F2RL1: variants seen among roughly 807,000 people sequenced by gnomAD.
The protein encoded by F2RL1 is proteinase-activated receptor 2.
A neutral mutation model predicts 21.7 loss-of-function variants in F2RL1; 16 were observed. That is an observed-to-expected ratio of 0.74 (90% CI 0.50 to 1.12). The LOEUF (loss-of-function observed/expected upper bound fraction) is 1.12, where lower values mean the gene tolerates loss of function less well. Among genes scored for constraint, F2RL1 ranks in the 50% most tolerant of loss-of-function variants. F2RL1 has a pLI of 0.00. For missense variants in F2RL1, 432 were observed against 477.8 expected, an observed-to-expected ratio of 0.90 and a Z score of 0.89; for synonymous variants, 181 against 186.7, an observed-to-expected ratio of 0.97 and a Z score of 0.25.
At chr5:76,826,588 C>A (rs1478373087) in intron 1 of F2RL1, among the ~76,000 whole-genome samples, 2 of 149,132 alleles carry the variant, frequency 1.3e-5, no homozygotes, top group East Asian at 4.0e-4. Context: ...ATCTCTGCAA[C>A]CTTTGCCTCT....
rs745816786 is a variant in F2RL1 at position 76,833,180 on chromosome 5, C to T, written c.573C>T (p.Ala191=). Residue 191 remains alanine, a synonymous_variant, in exon 2 of 2, where the codon GCC becomes GCT. Coordinates refer to ENST00000296677, the MANE Select transcript of F2RL1 (RefSeq NM_005242.6). ...ACTCCAGGAAGAAGGCAAACATTGC[C>T]ATTGGCATCTCCCTGGCAATATGGC... The part of the protein sequence containing the change: ...MGHSRKKANI[A]IGISLAIWLL... 6 of 1,614,104 alleles carry T rather than the reference C, an allele frequency of 3.7e-6. No individual in the cohort carries two copies. In the Admixed American group the frequency reaches 5.0e-5, roughly 13 times the overall value.
At chr5:76,831,316 G>C (rs1750344607) in intron 1 of F2RL1, among the ~76,000 whole-genome samples, 1 of 151,978 alleles carries the variant, frequency 6.6e-6, no homozygotes, top group African/African-American at 2.4e-5. Flanking sequence ...TATCGTTGTG[G>C]GTGAAAAGGG....
In F2RL1 at chr5:76,834,957, C is replaced by T. The variant is rs376364152; in HGVS notation, c.*1156C>T. The T allele has an allele frequency of 6.6e-6, 1 of 152,390 alleles. No individual in the cohort carries two copies. The highest frequency in any genetic ancestry group is 1.9e-4 in the East Asian group (1 of 5,322). The allele number at this position is 152,390 out of a possible 1,614,324, so 9.4% of individuals were successfully genotyped here. A position where few individuals can be genotyped will look rare whatever the true frequency, so the allele number is the denominator to read the frequency against. ...TATGTATTATTATTAAAGAAAAATGCAATCAGGATTTTAAACATGTAAATA... is the reference window on the plus strand; with the variant it reads ...TATGTATTATTATTAAAGAAAAATGTAATCAGGATTTTAAACATGTAAATA... On this transcript the variant is annotated 3_prime_UTR_variant, in exon 2 of 2. Transcript: ENST00000296677.
intron 1 of F2RL1, among the ~76,000 whole-genome samples, chr5:76,830,337 G>A (rs2243052): frequency 0.033 from 5,013 of 152,268 alleles, 288 homozygotes; most frequent in African/African-American, 0.11. Flanking sequence ...GAGTGCAGTG[G>A]CGCAATCTTG....
At chr5:76,823,922 C>T (rs916447113) in intron 1 of F2RL1, among the ~76,000 whole-genome samples, 1 of 150,144 alleles carries the variant, frequency 6.7e-6, no homozygotes, top group African/African-American at 2.5e-5. Context: ...ATGCCATTCT[C>T]CTGCCACAGC....
At chr5:76,823,087 G>A (rs966603084) in intron 1 of F2RL1, among the ~76,000 whole-genome samples, 4 of 152,130 alleles carry the variant, frequency 2.6e-5, no homozygotes, top group Admixed American at 6.5e-5. Flanking sequence ...AAAATTAGCC[G>A]GGCATGGTGG....
chr5:76,831,282 G>C (rs1394778559), intron 1 of F2RL1, among the ~76,000 whole-genome samples: 2 of 152,104 alleles, frequency 1.3e-5, no homozygotes, highest in Non-Finnish European at 2.9e-5. Flanking sequence ...CATGAGCAGG[G>C]AAAATCCCTG....
chr5:76,831,443 A>T (rs1340327180), intron 1 of F2RL1, among the ~76,000 whole-genome samples: 3 of 151,962 alleles, frequency 2.0e-5, no homozygotes, highest in Admixed American at 6.6e-5. Flanking sequence ...GGCCATTATG[A>T]AGTGAGAAAT....
Position 76,833,306 on chromosome 5 carries a change from G to A in F2RL1, c.699G>A (p.Gln233=), listed in dbSNP as rs758492811. Residue 233 remains glutamine, a synonymous_variant, in exon 2 of 2, where the codon CAG becomes CAA. Coordinates refer to ENST00000296677, the MANE Select transcript of F2RL1 (RefSeq NM_005242.6). The part of the protein sequence containing the change: ...ITTCHDVLPE[Q]LLVGDMFNYF... ...CCTGTCATGATGTTTTGCCTGAGCAGCTCTTGGTGGGAGACATGTTCAATT... is the reference window on the plus strand; with the variant it reads ...CCTGTCATGATGTTTTGCCTGAGCAACTCTTGGTGGGAGACATGTTCAATT... The A allele has an allele frequency of 2.5e-6, 4 of 1,613,866 alleles. No homozygotes were observed. In the East Asian group the frequency reaches 8.9e-5, roughly 36 times the overall value.
At chr5:76,830,254 T>G (rs973468961) in intron 1 of F2RL1, among the ~76,000 whole-genome samples, 2 of 152,202 alleles carry the variant, frequency 1.3e-5, no homozygotes, top group Non-Finnish European at 2.9e-5. Flanking sequence ...CTTTTCTGCG[T>G]GTTGCAGATC....
intron 1 of F2RL1, among the ~76,000 whole-genome samples, chr5:76,831,899 C>T (rs1384762872): frequency 2.6e-5 from 4 of 151,696 alleles, no homozygotes; most frequent in Admixed American, 6.6e-5. Context: ...TAGAGCTGGG[C>T]GTGATGTCTC....
At chr5:76,825,843 A>T (rs1165799373) in intron 1 of F2RL1, among the ~76,000 whole-genome samples, 1 of 152,154 alleles carries the variant, frequency 6.6e-6, no homozygotes, top group East Asian at 1.9e-4. Flanking sequence ...GTGTTGAAAT[A>T]TTCTAAGAAA....
intron 1 of F2RL1, among the ~76,000 whole-genome samples, chr5:76,830,061 G>A (rs1314202777): frequency 1.3e-5 from 2 of 152,152 alleles, no homozygotes; most frequent in African/African-American, 2.4e-5. Flanking sequence ...CAGTTCTGGA[G>A]ACCAGAAGTC....
chr5:76,824,064 G>A (rs1055776794), intron 1 of F2RL1, among the ~76,000 whole-genome samples: 4 of 151,578 alleles, frequency 2.6e-5, no homozygotes, highest in Admixed American at 2.0e-4. Flanking sequence ...CACCTGCCTC[G>A]GCCTCCCAAA....
At position 76,831,625 on chromosome 5, in the gene F2RL1, C is replaced by T. The variant is rs151007654; in HGVS notation, c.83-1065C>T. Among the ~76,000 whole-genome samples the T allele has an allele frequency of 3.8e-3, 567 of 150,098 alleles. 2 individuals are homozygous for T. The highest frequency in any genetic ancestry group is 0.013 in the African/African-American group (535 of 40,724). On this transcript the variant is annotated intron_variant, in intron 1 of 1. Transcript: ENST00000296677. Reference sequence around the variant, plus strand: ...CTTGGATCACTGCAACCTCCACTTCCGGGGTTCAAGCGATTCTTCTGCCTC... The same window carrying T: ...CTTGGATCACTGCAACCTCCACTTCTGGGGTTCAAGCGATTCTTCTGCCTC...
At position 76,832,929 on chromosome 5, in the gene F2RL1, C is replaced by T; in HGVS notation, c.322C>T (p.His108Tyr). 1 of 1,614,216 alleles carries T rather than the reference C, an allele frequency of 6.2e-7. No individual in the cohort carries two copies. Among genetic ancestry groups the T allele is most frequent in the South Asian group, 1.1e-5 (1 of 91,086 alleles). The change falls in exon 2 of 2, where the codon CAC (histidine) becomes TAC (tyrosine). Residue 108 changes from histidine (H) to tyrosine (Y), a missense_variant. Physicochemically the swap from His to Tyr is moderately conservative, Grantham distance 83 (BLOSUM62 2). Coordinates refer to ENST00000296677, the MANE Select transcript of F2RL1 (RefSeq NM_005242.6). ...WVFLFRTKKK[H>Y]PAVIYMANLA... ...CTTTCTTTTCCGAACTAAGAAGAAGCACCCTGCTGTGATTTACATGGCCAA... is the reference window on the plus strand; with the variant it reads ...CTTTCTTTTCCGAACTAAGAAGAAGTACCCTGCTGTGATTTACATGGCCAA...
In F2RL1 at chr5:76,819,372, G is replaced by C. The variant is rs549373814; in HGVS notation, c.82+108G>C. On this transcript the variant is annotated intron_variant, in intron 1 of 1. Transcript: ENST00000296677. Reference sequence around the variant, plus strand: ...GGTGTGCGAAGGCTGTTCTGCTGCCGGCACCCATCTCTACGAATCCCTTAG... The same window carrying C: ...GGTGTGCGAAGGCTGTTCTGCTGCCCGCACCCATCTCTACGAATCCCTTAG... 184 of 922,050 alleles carry C rather than the reference G, an allele frequency of 2.0e-4. 3 individuals are homozygous for C. The East Asian group carries it at 5.1e-3, about 26-fold the overall frequency. The allele number at this position is 922,050 out of a possible 1,614,324, so 57.1% of individuals were successfully genotyped here.
chr5:76,820,428 G>C (rs35975259), intron 1 of F2RL1, among the ~76,000 whole-genome samples: 1 of 152,118 alleles, frequency 6.6e-6, no homozygotes, highest in East Asian at 1.9e-4. Flanking sequence ...GGAAGAATGT[G>C]ATTCTTTTCC....
At chr5:76,821,031 G>A (rs959899635) in intron 1 of F2RL1, among the ~76,000 whole-genome samples, 16 of 151,950 alleles carry the variant, frequency 1.1e-4, no homozygotes, top group African/African-American at 3.2e-4. Flanking sequence ...TTGCTCACTC[G>A]CTTTTTAGCC....
Sources: allele counts gnomAD v4.1 joint callset (sites outside exome capture counted in the v4.1 genomes callset), GRCh38; gene constraint gnomAD v4.1.1; transcripts MANE v1.5; gene names NCBI Gene and HGNC (gene_info 2026-07-23, HGNC 2026-07-21).